The following NMBR variants were observed in gnomAD, a reference collection of about 807,000 sequenced individuals.
The protein encoded by NMBR is neuromedin B receptor.
Under a neutral mutation model 20.5 loss-of-function variants are expected in NMBR, and 16 were observed. The ratio of observed to expected loss-of-function variants is 0.78; its 90% CI spans 0.53 to 1.19. The LOEUF (loss-of-function observed/expected upper bound fraction) is 1.19, where lower values mean the gene tolerates loss of function less well. NMBR is among the 50% of genes most tolerant of loss of function. The pLI, the probability that NMBR is intolerant of heterozygous loss-of-function variation, is 0.00. For synonymous variants in NMBR, 212 were observed against 196.6 expected (o/e 1.08, Z -0.65); for missense variants, 582 against 499.1 (o/e 1.17, Z -1.58).
chr6:142,078,892 A>G lies in NMBR; in HGVS notation c.434T>C (p.Ile145Thr), dbSNP rs747163063. The change falls in exon 3 of 4, where the codon ATC becomes ACC. Residue 145 changes from isoleucine to threonine, a missense_variant. By Grantham distance (89) the Ile-to-Thr change is moderately conservative. Transcript: ENST00000258042. ...CGTCTGCATGTCCATGGGGTTAACG[A>G]TGGCTCTGTACCTGGGAAAATGATA... The part of the protein sequence containing the change: ...TALSADRYRA[I>T]VNPMDMQTSG... 2.1e-5 allele frequency: 34 copies of G among 1,611,782 alleles called. No homozygotes were observed. Among genetic ancestry groups the G allele is most frequent in the Middle Eastern group, 1.6e-4 (1 of 6,072 alleles).
chr6:142,120,624 G>A (rs1276278818), intron 1 of NMBR, among the ~76,000 whole-genome samples: 1 of 151,924 alleles, frequency 6.6e-6, no homozygotes, highest in Non-Finnish European at 1.5e-5. Flanking sequence ...CCAGAGCAGA[G>A]TGGAAAGACC....
chr6:142,142,426 G>A (rs1057029686), intron 1 of NMBR, among the ~76,000 whole-genome samples: 2 of 152,046 alleles, frequency 1.3e-5, no homozygotes, highest in South Asian at 2.1e-4. Flanking sequence ...CACATTAGGC[G>A]GGGTTTACCC....
chr6:142,080,059 G>C (rs1777061733), intron 2 of NMBR, among the ~76,000 whole-genome samples: 1 of 152,084 alleles, frequency 6.6e-6, no homozygotes, highest in Non-Finnish European at 1.5e-5. Flanking sequence ...CAGGATTTTA[G>C]TTAGACAAAT....
At chr6:142,099,549 C>T (rs1034261686) in intron 1 of NMBR, among the ~76,000 whole-genome samples, 2 of 152,084 alleles carry the variant, frequency 1.3e-5, no homozygotes, top group African/African-American at 4.8e-5. Context: ...CAATCATCTC[C>T]CACCAGGCCC....
chr6:142,144,872 A>G (rs1271839267), intron 1 of NMBR, among the ~76,000 whole-genome samples: 1 of 152,024 alleles, frequency 6.6e-6, no homozygotes, highest in Non-Finnish European at 1.5e-5. Flanking sequence ...CAACAAAATA[A>G]TAATAATTAG....
chr6:142,074,809 T>G lies in NMBR; in HGVS notation c.*839A>C. 6.6e-6 allele frequency among the ~76,000 whole-genome samples: 1 copy of G among 152,136 alleles called. No individual in the cohort carries two copies. ...ACTTGTGAGTTGTAGCTTTGCAATT[T>G]GGGACATATGATACCTATTTTACAT... On this transcript the variant is annotated 3_prime_UTR_variant, in exon 4 of 4. Transcript: ENST00000258042.
chr6:142,137,002 T>C (rs1778271524), intron 1 of NMBR, among the ~76,000 whole-genome samples: 2 of 152,024 alleles, frequency 1.3e-5, no homozygotes, highest in Non-Finnish European at 2.9e-5. Context: ...TCCATATGAA[T>C]TTTAAAGTCG....
intron 1 of NMBR, among the ~76,000 whole-genome samples, chr6:142,123,773 A>G (rs1405912400): frequency 6.6e-6 from 1 of 151,954 alleles, no homozygotes; most frequent in Non-Finnish European, 1.5e-5. Context: ...GCAATCATAG[A>G]CAATATGTAA....
At chr6:142,092,814 T>C (rs1359693795) in intron 1 of NMBR, among the ~76,000 whole-genome samples, 1 of 152,182 alleles carries the variant, frequency 6.6e-6, no homozygotes, top group African/African-American at 2.4e-5. Flanking sequence ...GAAAGAACTC[T>C]GGAGATTCAC....
At chr6:142,119,187 A>G (rs939521590) in intron 1 of NMBR, among the ~76,000 whole-genome samples, 9 of 152,000 alleles carry the variant, frequency 5.9e-5, no homozygotes, top group African/African-American at 1.7e-4. Flanking sequence ...TTTCCCTGCA[A>G]TGGAGGGCTA....
At chr6:142,101,196 T>C (rs1777554724) in intron 1 of NMBR, among the ~76,000 whole-genome samples, 1 of 152,240 alleles carries the variant, frequency 6.6e-6, no homozygotes, top group Non-Finnish European at 1.5e-5. Flanking sequence ...ATTGGGCCTC[T>C]TTGATTGGAC....
At chr6:142,092,653 A>T (rs1777351133) in intron 1 of NMBR, among the ~76,000 whole-genome samples, 1 of 152,174 alleles carries the variant, frequency 6.6e-6, no homozygotes, top group African/African-American at 2.4e-5. Context: ...AACAGATGAG[A>T]TGAGCTCTAC....
chr6:142,139,036 A>T (rs1337199230), intron 1 of NMBR, among the ~76,000 whole-genome samples: 1 of 152,100 alleles, frequency 6.6e-6, no homozygotes, highest in Non-Finnish European at 1.5e-5. Context: ...CTATCCTTTC[A>T]CTAGTCTCAA....
chr6:142,102,536 T>C (rs576264150), intron 1 of NMBR, among the ~76,000 whole-genome samples: 59 of 152,296 alleles, frequency 3.9e-4, no homozygotes, highest in African/African-American at 1.4e-3. Flanking sequence ...GTTTAGCCAG[T>C]AAGTAATTTA....
intron 1 of NMBR, among the ~76,000 whole-genome samples, chr6:142,143,594 A>G (rs1778389049): frequency 6.6e-6 from 1 of 152,236 alleles, no homozygotes. Context: ...AAGTGGAAAA[A>G]TAAACCATGT....
At chr6:142,076,188 C>A in intron 3 of NMBR, 139 bp from the exon 4 acceptor site, 1 of 635,710 alleles carries the variant, frequency 1.6e-6, no homozygotes, top group Non-Finnish European at 2.6e-6. Context: ...TTTTCCTCAC[C>A]AAAGTGATGA....
At chr6:142,137,905 T>C (rs887426239) in intron 1 of NMBR, among the ~76,000 whole-genome samples, 3 of 152,028 alleles carry the variant, frequency 2.0e-5, no homozygotes, top group African/African-American at 4.8e-5. Context: ...TAAAATGATA[T>C]AGAAATATAG....
intron 1 of NMBR, among the ~76,000 whole-genome samples, chr6:142,106,206 G>A (rs906912280): frequency 6.6e-6 from 1 of 152,080 alleles, no homozygotes; most frequent in Admixed American, 6.6e-5. Flanking sequence ...GAGCTGTGAA[G>A]ACTGCAACTG....
At chr6:142,109,146 G>A (rs957033985) in intron 1 of NMBR, among the ~76,000 whole-genome samples, 10 of 152,172 alleles carry the variant, frequency 6.6e-5, no homozygotes, top group Non-Finnish European at 1.3e-4. Flanking sequence ...CTTGCATTGC[G>A]AGTCTGAGGC....
Sources: allele counts gnomAD v4.1 joint callset (sites outside exome capture counted in the v4.1 genomes callset), GRCh38; gene constraint gnomAD v4.1.1; transcripts MANE v1.5; gene names NCBI Gene and HGNC (gene_info 2026-07-23, HGNC 2026-07-21).